The following GKN2 variants were observed in gnomAD, a reference collection of about 807,000 sequenced individuals.
The protein encoded by GKN2 is gastrokine 2.
A neutral mutation model predicts 22.7 loss-of-function variants in GKN2; 17 were observed. The ratio of observed to expected loss-of-function variants is 0.75; its 90% CI spans 0.51 to 1.13. GKN2 has a LOEUF of 1.13. Ranked by LOEUF, GKN2 falls within the 50% of genes most tolerant of loss-of-function variation. GKN2 has a pLI of 0.00. For missense variants in GKN2, 248 were observed against 221.4 expected, an observed-to-expected ratio of 1.12 and a Z score of -0.76; for synonymous variants, 82 against 79.6, an observed-to-expected ratio of 1.03 and a Z score of -0.16.
chr2:68,946,488 C>T (rs1573726807), intron 4 of GKN2, 28 bp from the exon 5 acceptor site: 9 of 1,526,842 alleles, frequency 5.9e-6, no homozygotes, highest in African/African-American at 1.4e-5. Context: ...AAAAGAACAA[C>T]ATAAAATAAA....
At chr2:68,949,497 G>A (rs1032460034) in intron 3 of GKN2, among the ~76,000 whole-genome samples, 1 of 151,992 alleles carries the variant, frequency 6.6e-6, no homozygotes, top group Non-Finnish European at 1.5e-5. Flanking sequence ...TCAGCTCACT[G>A]CAGCCTTGAC....
intron 1 of GKN2, among the ~76,000 whole-genome samples, chr2:68,951,139 G>A (rs552220328): frequency 6.6e-6 from 1 of 152,018 alleles, no homozygotes; most frequent in Non-Finnish European, 1.5e-5. Context: ...GTCAAATTGT[G>A]TCCTCTAAAA....
intron 1 of GKN2, 59 bp downstream of exon 1, chr2:68,952,791 T>G (rs1365377776): frequency 6.3e-7 from 1 of 1,581,054 alleles, no homozygotes; most frequent in Admixed American, 1.7e-5. Context: ...ATATTAGATA[T>G]GAGCATTGTC....
In GKN2 at chr2:68,950,834, A is replaced by T. The variant is rs956568273; in HGVS notation, c.13-79T>A. 4 of 1,419,556 alleles carry T rather than the reference A, an allele frequency of 2.8e-6. No individual in the cohort carries two copies. In the African/African-American group the frequency reaches 5.6e-5, roughly 20 times the overall value. The allele number at this position is 1,419,556 out of a possible 1,614,324, so 87.9% of individuals were successfully genotyped here. ...GACAGGAGGAAACACTGGACAGGAA[A>T]GGCACAGATATCTCAGAAAATGTAC... On this transcript the variant is annotated intron_variant, in intron 1 of 5. Coordinates refer to ENST00000328895, the MANE Select transcript of GKN2 (RefSeq NM_182536.3).
intron 3 of GKN2, among the ~76,000 whole-genome samples, chr2:68,949,493 C>T (rs1024828313): frequency 1.3e-5 from 2 of 152,064 alleles, no homozygotes; most frequent in African/African-American, 4.8e-5. Flanking sequence ...AGTCTCAGCT[C>T]ACTGCAGCCT....
intron 4 of GKN2, among the ~76,000 whole-genome samples, 166 bp downstream of exon 4, chr2:68,946,980 AT>A (rs1669780438): frequency 6.6e-6 from 1 of 152,234 alleles, no homozygotes; most frequent in Admixed American, 6.5e-5. Flanking sequence ...CTCTTAAAAA[AT>A]AATAAAATAA....
At chr2:68,951,843 G>A (rs1558707650) in intron 1 of GKN2, among the ~76,000 whole-genome samples, 1 of 152,184 alleles carries the variant, frequency 6.6e-6, no homozygotes, top group Non-Finnish European at 1.5e-5. Flanking sequence ...GAGAGCTTGG[G>A]GAGTGTCCTC....
Position 68,947,191 on chromosome 2 carries a change from T to C in GKN2, c.271A>G (p.Ile91Val). The C allele has an allele frequency of 6.2e-7, 1 of 1,613,870 alleles. No homozygotes were observed. Among genetic ancestry groups the C allele is most frequent in the Non-Finnish European group, 8.5e-7 (1 of 1,179,778 alleles). ...CFILKMDHQN[I>V]PPLNNLQWYI... ...CATTGGAGATTGTTCAGAGGAGGGA[T>C]GTTCTGATGGTCCATCTTCAGGATA... Residue 91 changes from isoleucine to valine, a missense_variant, in exon 4 of 6, where the codon ATC becomes GTC. Physicochemically the swap from Ile to Val is conservative, Grantham distance 29 (BLOSUM62 3). Transcript: ENST00000328895.
chr2:68,946,702 AC>A (rs1669772709), intron 4 of GKN2, among the ~76,000 whole-genome samples: 1 of 152,156 alleles, frequency 6.6e-6, no homozygotes, highest in Admixed American at 6.6e-5. Flanking sequence ...CAAAGGTAGC[AC>A]CTATAAGAAG....
chr2:68,945,975 A>G (rs1163032112), intron 5 of GKN2: 2 of 365,206 alleles, frequency 5.5e-6, no homozygotes, highest in Non-Finnish European at 9.7e-6. Context: ...AAGGGCCCAG[A>G]TGACTTTTTG....
chr2:68,950,651 T>C, intron 2 of GKN2, 51 bp downstream of exon 2: 1 of 1,542,398 alleles, frequency 6.5e-7, no homozygotes, highest in Non-Finnish European at 9.0e-7. Context: ...GTACCTTCCC[T>C]TTCCTCTCCC....
chr2:68,947,123 T>C (rs1293541966), intron 4 of GKN2, 24 bp downstream of exon 4: 3 of 1,402,444 alleles, frequency 2.1e-6, no homozygotes, highest in African/African-American at 2.8e-5. Context: ...GAACAGAGAA[T>C]ACTCAAGAGT....
chr2:68,949,027 G>A (rs992078106), intron 3 of GKN2, among the ~76,000 whole-genome samples: 10 of 152,150 alleles, frequency 6.6e-5, no homozygotes, highest in African/African-American at 1.7e-4. Flanking sequence ...AAAGAGGAAC[G>A]TGAAGACATT....
chr2:68,950,777 T>G (rs1013076077), intron 1 of GKN2, 22 bp from the exon 2 acceptor site: 36 of 1,613,016 alleles, frequency 2.2e-5, no homozygotes, highest in Non-Finnish European at 3.0e-5. Flanking sequence ...ACCCACCACA[T>G]CCATTCTTTA....
chr2:68,950,244 G>A lies in GKN2; in HGVS notation c.86C>T (p.Pro29Leu). The change falls in exon 3 of 6, where the codon CCA becomes CTA. Residue 29 changes from proline (P) to leucine (L), a missense_variant. Pro to Leu is a moderately conservative substitution (Grantham distance 98). Transcript: ENST00000328895. ...CTGAACATTGCCACCATTGTTGCTT[G>A]GGCTGATGATGTTAAAAACCTAGAT... ...HGYEVFNIIS[P>L]SNNGGNVQET... 1 of 1,609,436 alleles carries A rather than the reference G, an allele frequency of 6.2e-7. No homozygotes were observed.
chr2:68,952,169 T>C (rs1259973084), intron 1 of GKN2, among the ~76,000 whole-genome samples: 1 of 152,134 alleles, frequency 6.6e-6, no homozygotes, highest in Non-Finnish European at 1.5e-5. Context: ...GGAGTGGCCA[T>C]AGAAGGAACG....
At chr2:68,950,794 A>T in intron 1 of GKN2, 39 bp from the exon 2 acceptor site, 1 of 1,603,134 alleles carries the variant, frequency 6.2e-7, no homozygotes, top group Non-Finnish European at 8.5e-7. Context: ...TTTATAGGGT[A>T]GTCATTGAGT....
rs569197221 is a variant in GKN2 at position 68,952,191 on chromosome 2, G to C, written c.12+659C>G. ...CCATAGAAGGAACGTTTTGTCCTAA[G>C]GGAGAATTTAGTCATAATGAGAGGA... On this transcript the variant is annotated intron_variant, in intron 1 of 5. Coordinates refer to ENST00000328895, the MANE Select transcript of GKN2 (RefSeq NM_182536.3). Among the ~76,000 whole-genome samples, 10 of 152,288 alleles carry C rather than the reference G, an allele frequency of 6.6e-5. No homozygotes were observed. In the South Asian group the frequency reaches 2.1e-3, roughly 32 times the overall value.
intron 3 of GKN2, among the ~76,000 whole-genome samples, chr2:68,947,668 G>A (rs1320354939): frequency 2.0e-5 from 3 of 152,010 alleles, no homozygotes; most frequent in Admixed American, 6.6e-5. Context: ...TCAGCTCACT[G>A]AAGCCTCCAC....
Sources: allele counts gnomAD v4.1 joint callset (sites outside exome capture counted in the v4.1 genomes callset), GRCh38; gene constraint gnomAD v4.1.1; transcripts MANE v1.5; gene names NCBI Gene and HGNC (gene_info 2026-07-23, HGNC 2026-07-21).